The following PTCH1 variants were observed in gnomAD, a reference collection of about 807,000 sequenced individuals.
PTCH1 encodes the protein patched 1, also known as protein patched homolog 1.
In PTCH1, 14 loss-of-function variants were observed where a neutral mutation model predicts 144.6. The ratio of observed to expected loss-of-function variants is 0.10; its 90% CI spans 0.06 to 0.15. The LOEUF is 0.15. PTCH1 is among the 10% of genes least tolerant of loss of function. PTCH1 has a pLI of 1.00. For synonymous variants in PTCH1, 833 were observed against 793.6 expected (o/e 1.05, Z -0.83); for missense variants, 1,623 against 1,948.3 (o/e 0.83, Z 3.14).
chr9:95,456,233 G>C lies in PTCH1; in HGVS notation c.3306+43C>G, dbSNP rs761303250. Reference sequence around the variant, plus strand: ...GAGACAAACAGAGCCAGAGGAAATGGGTTGTTTTTTCACAAAGTTTTTGCT... The same window carrying C: ...GAGACAAACAGAGCCAGAGGAAATGCGTTGTTTTTTCACAAAGTTTTTGCT... On this transcript the variant is annotated intron_variant, in intron 19 of 23. Transcript: ENST00000331920. 6 of 1,609,922 alleles carry C rather than the reference G, an allele frequency of 3.7e-6. 1 individual carries two copies. In the Admixed American group the frequency reaches 1.0e-4, roughly 27 times the overall value.
At chr9:95,495,753 TG>T (rs201334450) in intron 2 of PTCH1, among the ~76,000 whole-genome samples, 2 of 152,084 alleles carry the variant, frequency 1.3e-5, no homozygotes, top group East Asian at 3.8e-4. Context: ...GGGAATGGTG[TG>T]GGGGGTAAAA....
rs1327411160 is a variant in PTCH1 at position 95,506,441 on chromosome 9, G to A, written c.360C>T (p.Asn120=). Reference sequence around the variant, plus strand: ...ACAGCTCCTCCACGTTGGTCTCGAGGTTCGCTGCTTTTAATCCCACCGCGA... The same window carrying A: ...ACAGCTCCTCCACGTTGGTCTCGAGATTCGCTGCTTTTAATCCCACCGCGA... ...GAFAVGLKAA[N]LETNVEELWV... is the part of the protein sequence containing the mutation. Residue 120 remains asparagine, a synonymous_variant, in exon 2 of 24, where the codon AAC becomes AAT. Coordinates refer to ENST00000331920, the MANE Select transcript of PTCH1 (RefSeq NM_000264.5). 1.9e-6 allele frequency: 3 copies of A among 1,612,640 alleles called. No homozygotes were observed. Among genetic ancestry groups the A allele is most frequent in the Middle Eastern group, 1.8e-4 (1 of 5,698 alleles).
rs1843578695 is a variant in PTCH1 at position 95,506,017 on chromosome 9, G to A, written c.394+390C>T. On this transcript the variant is annotated intron_variant, in intron 2 of 23. Coordinates refer to ENST00000331920, the MANE Select transcript of PTCH1 (RefSeq NM_000264.5). ...CGGTGGGTGGGGGTGGGGGAGAGAA[G>A]AAAGCCGGGCCGCGGAGCGGGGCCG... is the stretch of plus-strand genomic sequence containing the variant. 2.0e-5 allele frequency among the ~76,000 whole-genome samples: 3 copies of A among 148,022 alleles called. No homozygotes were observed. In the South Asian group the frequency reaches 6.2e-4, roughly 31 times the overall value.
At chr9:95,475,672 T>A (rs1056239689) in intron 12 of PTCH1, among the ~76,000 whole-genome samples, 2 of 150,874 alleles carry the variant, frequency 1.3e-5, no homozygotes, top group Non-Finnish European at 3.0e-5. Context: ...GTACTGGGAG[T>A]GGTGTTTGGA....
intron 2 of PTCH1, among the ~76,000 whole-genome samples, chr9:95,498,821 G>A (rs1842954584): frequency 6.6e-6 from 1 of 152,152 alleles, no homozygotes; most frequent in Non-Finnish European, 1.5e-5. Flanking sequence ...CCTCCTGCAG[G>A]CAGAAGTGCC....
rs1264140680 is a variant in PTCH1 at position 95,447,471 on chromosome 9, G to A, written c.3805-20C>T. On this transcript the variant is annotated intron_variant, in intron 22 of 23. Coordinates refer to ENST00000331920, the MANE Select transcript of PTCH1 (RefSeq NM_000264.5). ...GACCACCTGCAGAGGGTGAGGGTGG[G>A]TTAGAAGGGTGGTATCCCAGGCTGG... is the stretch of plus-strand genomic sequence containing the variant. 2 of 1,538,076 alleles carry A rather than the reference G, an allele frequency of 1.3e-6. No individual in the cohort carries two copies. Among genetic ancestry groups the A allele is most frequent in the South Asian group, 1.3e-5 (1 of 79,474 alleles).
At chr9:95,473,415 G>A (rs1840748122) in intron 12 of PTCH1, among the ~76,000 whole-genome samples, 2 of 152,126 alleles carry the variant, frequency 1.3e-5, no homozygotes, top group African/African-American at 4.8e-5. Flanking sequence ...GTTCATCAAT[G>A]GAAAGAGAAG....
At position 95,509,126 on chromosome 9, in the gene PTCH1, C is replaced by G. The variant is rs1418894857; in HGVS notation, c.-765G>C. Among the ~76,000 whole-genome samples, 4 of 152,082 alleles carry G rather than the reference C, an allele frequency of 2.6e-5. No individual in the cohort carries two copies. The highest frequency in any genetic ancestry group is 5.9e-5 in the Non-Finnish European group (4 of 68,002). On this transcript the variant is annotated 5_prime_UTR_variant, in exon 1 of 24. Coordinates refer to ENST00000331920, the MANE Select transcript of PTCH1 (RefSeq NM_000264.5). ...CCGTGCAGCGCGCCTCTCTCGCTCC[C>G]GGGACCTGGGGACTCCGCTCTGTGT...
chr9:95,483,412 A>G (rs1412334357), intron 3 of PTCH1: 1 of 128,772 alleles, frequency 7.8e-6, no homozygotes, highest in Non-Finnish European at 1.5e-5. Flanking sequence ...AAGGGAAGGA[A>G]AAAAAAAAAA....
Position 95,449,797 on chromosome 9 carries a change from A to C in PTCH1, c.3549+44T>G, listed in dbSNP as rs1838295370. ...TGAAGAGCGGCACAGGAAACACAGC[A>C]TTCAGCCGGCCTACACGTGGGACAT... On this transcript the variant is annotated intron_variant, in intron 21 of 23. Coordinates refer to ENST00000331920, the MANE Select transcript of PTCH1 (RefSeq NM_000264.5). This position sits in a 1 kb window ranked among gnomAD's most constrained non-coding sequence, Gnocchi z 5.3. The C allele has an allele frequency of 6.5e-7, 1 of 1,537,332 alleles. No homozygotes were observed. Among genetic ancestry groups the C allele is most frequent in the Non-Finnish European group, 9.0e-7 (1 of 1,111,508 alleles).
At chr9:95,515,558 G>T (rs1168957107) in intron 1 of PTCH1, among the ~76,000 whole-genome samples, 6 of 152,208 alleles carry the variant, frequency 3.9e-5, no homozygotes, top group Admixed American at 3.9e-4. Context: ...GAGACACAGC[G>T]CATGTCACCC....
At position 95,506,723 on chromosome 9, in the gene PTCH1, A is replaced by C. The variant is rs959335347; in HGVS notation, c.202-124T>G. ...GTGGGGGCGCGGGTGGCCGCGGCAC[A>C]CGGACTCGCCCTCGAGACTGCAGCC... On this transcript the variant is annotated intron_variant, in intron 1 of 23. Transcript: ENST00000331920. 84 of 1,109,818 alleles carry C rather than the reference A, an allele frequency of 7.6e-5. No individual in the cohort carries two copies. The Middle Eastern group carries it at 9.6e-4, about 13-fold the overall frequency. 68.7% of individuals were successfully genotyped at this position (1,109,818 alleles called of 1,614,324 possible).
chr9:95,478,518 G>A (rs1263617970), intron 8 of PTCH1, among the ~76,000 whole-genome samples: 3 of 152,056 alleles, frequency 2.0e-5, no homozygotes, highest in South Asian at 4.2e-4. Context: ...CGGTCCCATC[G>A]GCTCCCCACT....
rs565904064 is a variant in PTCH1, at chr9:95,486,980, G to GA, written c.395-1107dup. Among the ~76,000 whole-genome samples the GA allele has an allele frequency of 4.5e-3, 683 of 152,256 alleles. 1 individual carries two copies. The highest frequency in any genetic ancestry group is 8.0e-3 in the Non-Finnish European group (546 of 68,016). On this transcript the variant is annotated intron_variant, in intron 2 of 23. Coordinates refer to ENST00000331920, the MANE Select transcript of PTCH1 (RefSeq NM_000264.5). ...AAAGCAGGCCTGCAGCGACAGTTTA[G>GA]AAAAAAACTCAGTGATCATAGCTTT...
Position 95,499,946 on chromosome 9 carries a change from ACGAGTTTCAGCTTGCC to A in PTCH1, c.394+6445_394+6460del, listed in dbSNP as rs764102550. Among the ~76,000 whole-genome samples the A allele has an allele frequency of 9.3e-4, 141 of 151,954 alleles. 2 individuals carry two copies. Among genetic ancestry groups the A allele is most frequent in the Middle Eastern group, 6.8e-3 (2 of 294 alleles). On this transcript the variant is annotated intron_variant, in intron 2 of 23. Transcript: ENST00000331920. ...CAATACAAGCAGGAGAACAGGGCAGACGAGTTTCAGCTTGCCCGAGTTTCAGCTTGCCCGAGTGGAC... is the reference window on the plus strand; with the variant it reads ...CAATACAAGCAGGAGAACAGGGCAGACGAGTTTCAGCTTGCCCGAGTGGAC...
At chr9:95,466,481 G>T (rs1840010923) in intron 15 of PTCH1, among the ~76,000 whole-genome samples, 1 of 152,144 alleles carries the variant, frequency 6.6e-6, no homozygotes, top group Non-Finnish European at 1.5e-5. Flanking sequence ...TGGAGCCTGG[G>T]TAATAATGTG....
In PTCH1 at chr9:95,449,157, C is replaced by G. The variant is rs758728491; in HGVS notation, c.3716G>C (p.Arg1239Pro). The G allele has an allele frequency of 4.3e-6, 7 of 1,613,620 alleles. No homozygotes were observed. The highest frequency in any genetic ancestry group is 5.9e-6 in the Non-Finnish European group (7 of 1,179,798). ...TTVSGLSEEL[R>P]HYEAQQGAGG... ...CGCGCCCTGCTGGGCCTCGTAGTGC[C>G]GAAGCTCCTCGCTGAGGCCTGACAC... The change falls in exon 22 of 24, where the codon CGG becomes CCG. Residue 1239 changes from arginine (R) to proline (P), a missense_variant. Coordinates refer to ENST00000331920, the MANE Select transcript of PTCH1 (RefSeq NM_000264.5). This position sits in a 1 kb window ranked among gnomAD's most constrained non-coding sequence, Gnocchi z 5.3.
intron 19 of PTCH1, among the ~76,000 whole-genome samples, chr9:95,455,686 T>C (rs2136642600): frequency 6.6e-6 from 1 of 152,350 alleles, no homozygotes; most frequent in South Asian, 2.1e-4. Context: ...GTTCTCTTAC[T>C]TTCTGCTATC....
chr9:95,509,648 C>CG (rs1176896213), upstream of PTCH1, among the ~76,000 whole-genome samples: 4 of 152,156 alleles, frequency 2.6e-5, no homozygotes, highest in Non-Finnish European at 5.9e-5. Flanking sequence ...GCGGTAGACA[C>CG]GGGGGGAAAT....
Sources: allele counts gnomAD v4.1 joint callset (sites outside exome capture counted in the v4.1 genomes callset), GRCh38; gene constraint gnomAD v4.1.1; non-coding constraint Gnocchi (gnomAD v3.1); transcripts MANE v1.5; gene names NCBI Gene and HGNC (gene_info 2026-07-23, HGNC 2026-07-21).